Variants in SERBP1 observed in about 807,000 individuals in gnomAD.
SERBP1 encodes the protein SERPINE1 mRNA binding protein 1.
In SERBP1, 6 loss-of-function variants were observed where a neutral mutation model predicts 50.2. The ratio of observed to expected loss-of-function variants is 0.12; its 90% confidence interval spans 0.07 to 0.24. The LOEUF (loss-of-function observed/expected upper bound fraction) is 0.24, where lower values mean the gene tolerates loss of function less well. SERBP1 is among the 10% of genes least tolerant of loss of function. The probability of loss-of-function intolerance (pLI) is 1.00; values close to 1 mark genes in which losing one functional copy is unlikely to be tolerated. For synonymous variants in SERBP1, 168 were observed against 182.8 expected, an observed-to-expected ratio of 0.92 and a Z score of 0.65; for missense variants, 346 against 524.9, an observed-to-expected ratio of 0.66 and a Z score of 3.33.
intron 5 of SERBP1, among the ~76,000 whole-genome samples, chr1:67,422,231 G>A (rs944189721): frequency 6.6e-6 from 1 of 152,042 alleles, no homozygotes; most frequent in African/African-American, 2.4e-5. Context: ...AAAAGAAAAA[G>A]TTTAAGGTGC....
chr1:67,413,720 A>C (rs1666916438), intron 7 of SERBP1, among the ~76,000 whole-genome samples: 1 of 152,132 alleles, frequency 6.6e-6, no homozygotes, highest in Non-Finnish European at 1.5e-5. Flanking sequence ...TATGGATCAC[A>C]AAAAAACTAC....
intron 7 of SERBP1, among the ~76,000 whole-genome samples, chr1:67,414,141 A>T (rs1295489589): frequency 6.6e-6 from 1 of 152,242 alleles, no homozygotes; most frequent in Non-Finnish European, 1.5e-5. Context: ...ATAAGCAATT[A>T]TGTATGTGAA....
At chr1:67,417,971 GTTTTTTTT>G (rs397861816) in intron 6 of SERBP1, among the ~76,000 whole-genome samples, 21 of 76,834 alleles carry the variant, frequency 2.7e-4, no homozygotes, top group Admixed American at 8.1e-4. Context: ...TTAAAGTGTT[GTTTTTTTT>G]TTTTTTTTTT....
chr1:67,420,660 A>G (rs1667170826), intron 5 of SERBP1: 4 of 152,820 alleles, frequency 2.6e-5, no homozygotes, highest in Admixed American at 2.6e-4. Flanking sequence ...TTGGAATATA[A>G]AAGAACTGTT....
In SERBP1 at chr1:67,426,144, G is replaced by A. The variant is rs1304673265; in HGVS notation, c.455C>T (p.Ser152Leu). ...ACAAGAAACAACTTACCTATCAACT[G>A]AAAATTCGCCTCCTTCACCCTTTTC... ...LEEKGEGGEF[S>L]VDRPIIDRPI... Residue 152 changes from serine to leucine, a missense_variant, in exon 2 of 8, where the codon TCA (serine) becomes TTA (leucine). Ser to Leu is a moderately radical substitution (Grantham distance 145, BLOSUM62 -2). Around this residue, in one of 5 missense-constraint regions of SERBP1, gnomAD observed 257 missense variants for 331.2 expected, o/e 0.78. Transcript: ENST00000361219. 6.2e-7 allele frequency: 1 copy of A among 1,604,422 alleles called. No homozygotes were observed. Among genetic ancestry groups the A allele is most frequent in the Non-Finnish European group, 8.5e-7 (1 of 1,176,858 alleles).
chr1:67,427,569 T>C (rs1667429125), intron 1 of SERBP1, among the ~76,000 whole-genome samples: 1 of 152,154 alleles, frequency 6.6e-6, no homozygotes, highest in Admixed American at 6.5e-5. Flanking sequence ...TCCCTGTAAA[T>C]ACTCAAGATA....
intron 1 of SERBP1, among the ~76,000 whole-genome samples, chr1:67,426,812 G>GA (rs147523194): frequency 2.3e-4 from 35 of 148,988 alleles, no homozygotes; most frequent in South Asian, 6.4e-4. Flanking sequence ...TATCTAATCT[G>GA]AAAAAAAAAT....
chr1:67,426,170 T>G lies in SERBP1; in HGVS notation c.429A>C (p.Glu143Asp), dbSNP rs748013220. Residue 143 changes from glutamate (E) to aspartate (D), a missense_variant, in exon 2 of 8, where the codon GAA becomes GAC. By Grantham distance (45) the Glu-to-Asp change is conservative. Transcript: ENST00000361219. ...PRERRFEKPL[E>D]EKGEGGEFSV... ...AAAATTCGCCTCCTTCACCCTTTTCTTCAAGTGGCTTTTCGAATCTTCGTT... is the reference window on the plus strand; with the variant it reads ...AAAATTCGCCTCCTTCACCCTTTTCGTCAAGTGGCTTTTCGAATCTTCGTT... 6.2e-7 allele frequency: 1 copy of G among 1,608,508 alleles called. No individual in the cohort carries two copies. The highest frequency in any genetic ancestry group is 8.5e-7 in the Non-Finnish European group (1 of 1,178,230).
intron 1 of SERBP1, chr1:67,429,733 G>C (rs554834575): frequency 1.3e-5 from 5 of 399,468 alleles, no homozygotes; most frequent in African/African-American, 4.2e-5. Flanking sequence ...GCTCATCTCC[G>C]ACCACGCTCC....
chr1:67,415,176 C>A lies in SERBP1; in HGVS notation c.1115G>T (p.Arg372Met), dbSNP rs538696392. ...AAAGTCTTAAATTACCTTGTCGGTC[C>A]TGCTGCCACGGTTTGGGCGCCCACC... ...GRGGRPNRGS[R>M]TDKSSASAPD... is the part of the protein sequence containing the mutation. Residue 372 changes from arginine to methionine, a missense_variant, in exon 7 of 8, where the codon AGG becomes ATG. Arg to Met is a moderately conservative substitution (Grantham distance 91, BLOSUM62 -1). This residue lies in a region of SERBP1 where 68 missense variants were observed against 97.3 expected (regional missense o/e 0.70). Transcript: ENST00000361219. 1 of 1,591,606 alleles carries A rather than the reference C, an allele frequency of 6.3e-7. No homozygotes were observed. The highest frequency in any genetic ancestry group is 1.4e-5 in the African/African-American group (1 of 73,598).
intron 5 of SERBP1, chr1:67,420,431 T>C: frequency 2.6e-6 from 1 of 383,856 alleles, no homozygotes; most frequent in Non-Finnish European, 4.6e-6. Flanking sequence ...TAAATGATCA[T>C]TTATCAGTAA....
At chr1:67,427,327 A>G (rs1009329021) in intron 1 of SERBP1, among the ~76,000 whole-genome samples, 1 of 152,230 alleles carries the variant, frequency 6.6e-6, no homozygotes, top group Non-Finnish European at 1.5e-5. Context: ...ATAAGGATCA[A>G]CAGATTGATG....
At chr1:67,420,235 A>G (rs372901705) in intron 5 of SERBP1, 49 bp from the exon 6 acceptor site, 9 of 1,327,800 alleles carry the variant, frequency 6.8e-6, no homozygotes, top group Non-Finnish European at 9.3e-6. Context: ...CTGATATTAC[A>G]TAAAAGTATT....
At chr1:67,427,026 T>C (rs536677585) in intron 1 of SERBP1, among the ~76,000 whole-genome samples, 1 of 152,210 alleles carries the variant, frequency 6.6e-6, no homozygotes, top group Non-Finnish European at 1.5e-5. Flanking sequence ...AGTGTATATA[T>C]GTTTGTACAC....
chr1:67,413,312 T>C (rs1359743605), intron 7 of SERBP1, 49 bp from the exon 8 acceptor site: 2 of 1,476,672 alleles, frequency 1.4e-6, no homozygotes, highest in African/African-American at 2.9e-5. Context: ...TCTTCAAAAT[T>C]ACATTGTTAG....
At position 67,409,159 on chromosome 1, in the gene SERBP1, T is replaced by G. The variant is rs1392031217; in HGVS notation, c.*4048A>C. On this transcript the variant is annotated 3_prime_UTR_variant, in exon 8 of 8. Coordinates refer to ENST00000361219, the MANE Select transcript of SERBP1 (RefSeq NM_001018069.2). ...GGCAGAATTGCTTGAACCCGGGAGGTGGAGGCTGCAGTGACCTGAGATCAT... is the reference window on the plus strand; with the variant it reads ...GGCAGAATTGCTTGAACCCGGGAGGGGGAGGCTGCAGTGACCTGAGATCAT... 1 of 151,248 alleles carries G rather than the reference T, an allele frequency of 6.6e-6. No individual in the cohort carries two copies. Among genetic ancestry groups the G allele is most frequent in the Admixed American group, 6.6e-5 (1 of 15,154 alleles). 9.4% of individuals were successfully genotyped at this position (151,248 alleles called of 1,614,324 possible). A position where few individuals can be genotyped will look rare whatever the true frequency, so the allele number is the denominator to read the frequency against.
chr1:67,426,192 C>T lies in SERBP1; in HGVS notation c.407G>A (p.Arg136Gln), dbSNP rs1361945340. The T allele has an allele frequency of 1.2e-6, 2 of 1,608,964 alleles. No homozygotes were observed. The highest frequency in any genetic ancestry group is 1.7e-6 in the Non-Finnish European group (2 of 1,178,176). ...TTCTTCAAGTGGCTTTTCGAATCTT[C>T]GTTCACGAGGTGGTCGCCTTTCTGG... is the stretch of plus-strand genomic sequence containing the variant. Reference protein sequence around the residue: ...RRPERRPPRERRFEKPLEEKG... With the variant: ...RRPERRPPREQRFEKPLEEKG... Residue 136 changes from arginine (R) to glutamine (Q), a missense_variant, in exon 2 of 8, where the codon CGA becomes CAA. Coordinates refer to ENST00000361219, the MANE Select transcript of SERBP1 (RefSeq NM_001018069.2).
At chr1:67,417,971 G>GTTTTTTTTTTTTTTTTTTTTT (rs397861816) in intron 6 of SERBP1, among the ~76,000 whole-genome samples, 1 of 76,800 alleles carries the variant, frequency 1.3e-5, no homozygotes, top group Non-Finnish European at 2.2e-5. Context: ...TTAAAGTGTT[G>GTTTTTTTTTTTTTTTTTTTTT]TTTTTTTTTT....
chr1:67,414,941 C>T lies in SERBP1; in HGVS notation c.1125+225G>A, dbSNP rs185173333. 4.7e-3 allele frequency among the ~76,000 whole-genome samples: 713 copies of T among 152,214 alleles called. 5 individuals carry two copies. Among genetic ancestry groups the T allele is most frequent in the Non-Finnish European group, 7.5e-3 (511 of 67,988 alleles). On this transcript the variant is annotated intron_variant, in intron 7 of 7. Transcript: ENST00000361219. ...AAAATGCCTAGCCCAGCACCATGAC[C>T]GGCACCTAGAAAGAACTCAAAAGGG...
Sources: allele counts gnomAD v4.1 joint callset (sites outside exome capture counted in the v4.1 genomes callset), GRCh38; gene constraint gnomAD v4.1.1; regional missense constraint gnomAD v4.1.1; transcripts MANE v1.5; gene names NCBI Gene and HGNC (gene_info 2026-07-23, HGNC 2026-07-21).